Variants in TFAP2D observed in about 807,000 individuals in gnomAD.
TFAP2D encodes transcription factor AP-2 delta, also known as transcription factor AP-2-delta.
A neutral mutation model predicts 43.6 loss-of-function variants in TFAP2D; 9 were observed. The ratio of observed to expected loss-of-function variants is 0.21; its 90% CI spans 0.12 to 0.36. The LOEUF (loss-of-function observed/expected upper bound fraction) is 0.36, where lower values mean the gene tolerates loss of function less well. Ranked by LOEUF, TFAP2D falls within the 10% of genes least tolerant of loss-of-function variation. TFAP2D has a pLI of 1.00. For missense variants in TFAP2D, 513 were observed against 561.4 expected, an observed-to-expected ratio of 0.91 and a Z score of 0.87; for synonymous variants, 256 against 224.9, an observed-to-expected ratio of 1.14 and a Z score of -1.24.
At chr6:50,769,056 T>G (rs1169566151) in intron 7 of TFAP2D, among the ~76,000 whole-genome samples, 2 of 151,216 alleles carry the variant, frequency 1.3e-5, no homozygotes, top group Non-Finnish European at 3.0e-5. Context: ...CACACCCGGC[T>G]AATTTTTTTT....
chr6:50,720,847 C>A (rs945112992), intron 3 of TFAP2D, among the ~76,000 whole-genome samples: 1 of 152,186 alleles, frequency 6.6e-6, no homozygotes, highest in Non-Finnish European at 1.5e-5. Context: ...TCTCCCACAG[C>A]CGGCCTCTTG....
chr6:50,762,039 G>A (rs1341746490), intron 7 of TFAP2D, among the ~76,000 whole-genome samples: 1 of 152,032 alleles, frequency 6.6e-6, no homozygotes, highest in Non-Finnish European at 1.5e-5. Context: ...TATAAACACT[G>A]TCCAAGTTAA....
chr6:50,756,849 G>A (rs1315760866), intron 7 of TFAP2D, among the ~76,000 whole-genome samples: 4 of 151,878 alleles, frequency 2.6e-5, no homozygotes, highest in South Asian at 2.1e-4. Context: ...GGGGTTTCAC[G>A]GTCAGAGTAG....
intron 5 of TFAP2D, among the ~76,000 whole-genome samples, chr6:50,735,090 A>C (rs562836542): frequency 6.6e-6 from 1 of 152,142 alleles, no homozygotes; most frequent in African/African-American, 2.4e-5. Context: ...GATTGTTGCA[A>C]GGGTTAAATC....
chr6:50,722,822 C>A (rs895921022), intron 3 of TFAP2D, among the ~76,000 whole-genome samples: 2 of 142,140 alleles, frequency 1.4e-5, no homozygotes, highest in Admixed American at 1.4e-4. Flanking sequence ...AAGGGGGGGG[C>A]GGGGGATGGG....
chr6:50,765,441 T>C (rs78799490), intron 7 of TFAP2D, among the ~76,000 whole-genome samples: 2,373 of 152,308 alleles, frequency 0.016, 58 homozygotes, highest in African/African-American at 0.051. Context: ...GGAACTTTCA[T>C]AGTGTTTTGC....
intron 3 of TFAP2D, among the ~76,000 whole-genome samples, chr6:50,723,988 T>A (rs1768769436): frequency 6.6e-6 from 1 of 152,258 alleles, no homozygotes; most frequent in Admixed American, 6.5e-5. Context: ...TGTAATGTTA[T>A]ACCCTCCCCC....
chr6:50,731,056 A>G (rs988798009), intron 5 of TFAP2D, among the ~76,000 whole-genome samples: 5 of 152,012 alleles, frequency 3.3e-5, no homozygotes, highest in African/African-American at 1.2e-4. Flanking sequence ...GAGCACTGGG[A>G]TATCCTGCAT....
At chr6:50,763,921 G>C (rs1031235286) in intron 7 of TFAP2D, among the ~76,000 whole-genome samples, 3 of 152,136 alleles carry the variant, frequency 2.0e-5, no homozygotes, top group Non-Finnish European at 2.9e-5. Flanking sequence ...ACACCACTGT[G>C]TGGGCTTGTT....
At position 50,766,654 on chromosome 6, in the gene TFAP2D, C is replaced by CTTTTTTTTTTTTTTTTTTTTTTTTTTTTT. The variant is rs763018088; in HGVS notation, c.1140-5966_1140-5965insTTTTTTTTTTTTTTTTTTTTTTTTTTTTT. Among the ~76,000 whole-genome samples, 19 of 57,386 alleles carry CTTTTTTTTTTTTTTTTTTTTTTTTTTTTT rather than the reference C, an allele frequency of 3.3e-4. 4 individuals are homozygous for CTTTTTTTTTTTTTTTTTTTTTTTTTTTTT. The highest frequency in any genetic ancestry group is 4.2e-4 in the Non-Finnish European group (12 of 28,474). 37.6% of individuals were successfully genotyped at this position (57,386 alleles called of 152,430 possible). A position where few individuals can be genotyped will look rare whatever the true frequency, so the allele number is the denominator to read the frequency against. On this transcript the variant is annotated intron_variant, in intron 7 of 7. Coordinates refer to ENST00000008391, the MANE Select transcript of TFAP2D (RefSeq NM_172238.4). ...CCTTTTGATACCATGAGATTGCTTT[C>CTTTTTTTTTTTTTTTTTTTTTTTTTTTTT]TTTTTTTTTTTTTTTTTTTTTTTTT...
Position 50,720,519 on chromosome 6 carries a change from A to T in TFAP2D, c.598+1369A>T, listed in dbSNP as rs902116770. Among the ~76,000 whole-genome samples the T allele has an allele frequency of 8.1e-3, 1,233 of 151,638 alleles. 18 individuals are homozygous for T. The highest frequency in any genetic ancestry group is 0.028 in the African/African-American group (1,159 of 41,258). ...CACACACACACACACACACACACAC[A>T]CACACACACACACACACACATATAC... On this transcript the variant is annotated intron_variant, in intron 3 of 7. Transcript: ENST00000008391.
chr6:50,735,399 G>T (rs777544394), intron 5 of TFAP2D, among the ~76,000 whole-genome samples: 24 of 152,110 alleles, frequency 1.6e-4, no homozygotes, highest in Non-Finnish European at 2.5e-4. Flanking sequence ...ACGTTAGATT[G>T]GTCCTCCCCT....
Position 50,713,899 on chromosome 6 carries a change from A to G in TFAP2D, c.-157A>G. 4 of 1,153,728 alleles carry G rather than the reference A, an allele frequency of 3.5e-6. No individual in the cohort carries two copies. The highest frequency in any genetic ancestry group is 2.2e-5 in the Admixed American group (1 of 44,952). The allele number at this position is 1,153,728 out of a possible 1,614,324, so 71.5% of individuals were successfully genotyped here. ...TTAAGTGGGTACGAGGCAAGGAGCT[A>G]TCTGATCCGGGCAAAACCATTACAA... is the stretch of plus-strand genomic sequence containing the variant. On this transcript the variant is annotated 5_prime_UTR_variant, in exon 1 of 8. Transcript: ENST00000008391.
chr6:50,751,643 T>C (rs1769202311), intron 7 of TFAP2D, among the ~76,000 whole-genome samples: 1 of 151,882 alleles, frequency 6.6e-6, no homozygotes, highest in Non-Finnish European at 1.5e-5. Context: ...TCCCCTGGGC[T>C]CTTTTATAAG....
rs1304907425 is a variant in TFAP2D at position 50,728,957 on chromosome 6, G to T, written c.700G>T (p.Val234Leu). The change falls in exon 4 of 8, where the codon GTA (valine) becomes TTA (leucine). Residue 234 changes from valine (V) to leucine (L), a missense_variant. Physicochemically the swap from Val to Leu is conservative, Grantham distance 32 (BLOSUM62 1). Coordinates refer to ENST00000008391, the MANE Select transcript of TFAP2D (RefSeq NM_172238.4). ...TSKYKVTIAE[V>L]KRRLSPPECL... ...CAAATACAAGGTGACCATTGCTGAG[G>T]TAAAGAGGCGCCTCTCCCCACCTGA... 6.2e-7 allele frequency: 1 copy of T among 1,613,988 alleles called. No individual in the cohort carries two copies.
chr6:50,768,307 C>T (rs1381704866), intron 7 of TFAP2D, among the ~76,000 whole-genome samples: 1 of 67,558 alleles, frequency 1.5e-5, no homozygotes, highest in Admixed American at 1.8e-4. Context: ...CTACATTATT[C>T]CTCTCTCCTT....
intron 7 of TFAP2D, among the ~76,000 whole-genome samples, chr6:50,765,171 C>T (rs951018641): frequency 6.6e-5 from 10 of 152,048 alleles, no homozygotes; most frequent in African/African-American, 2.4e-4. Context: ...TAAATGACAC[C>T]ATACAGTATT....
chr6:50,744,969 C>A lies in TFAP2D; in HGVS notation c.884-138C>A, dbSNP rs1769105064. The A allele has an allele frequency of 1.8e-5, 20 of 1,097,962 alleles. No homozygotes were observed. In the South Asian group the frequency reaches 3.4e-4, roughly 19 times the overall value. The allele number at this position is 1,097,962 out of a possible 1,614,324, so 68.0% of individuals were successfully genotyped here. A position where few individuals can be genotyped will look rare whatever the true frequency, so the allele number is the denominator to read the frequency against. ...CCTCCCCTCCTCCCCCCAAAAAGGT[C>A]TTTTTTCTTGAATAGTTTAAGTAGG... On this transcript the variant is annotated intron_variant, in intron 5 of 7. Transcript: ENST00000008391.
At chr6:50,725,662 A>T (rs1018563971) in intron 3 of TFAP2D, among the ~76,000 whole-genome samples, 2 of 152,250 alleles carry the variant, frequency 1.3e-5, no homozygotes, top group Non-Finnish European at 2.9e-5. Flanking sequence ...ACGTTTCATA[A>T]CATTCTTCTT....
Sources: gnomAD v4.1 joint callset for allele counts (sites outside exome capture counted in the v4.1 genomes callset) on GRCh38, gnomAD v4.1.1 for gene constraint, MANE v1.5 for transcripts, NCBI Gene and HGNC (gene_info 2026-07-23, HGNC 2026-07-21) for gene names.